The following CAMK4 variants were observed in gnomAD, a reference collection of about 807,000 sequenced individuals.
The protein encoded by CAMK4 is calcium/calmodulin-dependent protein kinase type IV.
Under a neutral mutation model 44.9 loss-of-function variants are expected in CAMK4, and 22 were observed. The ratio of observed to expected loss-of-function variants is 0.49; its 90% CI spans 0.35 to 0.70. The LOEUF (loss-of-function observed/expected upper bound fraction) is 0.70. CAMK4 is among the 30% of genes least tolerant of loss of function. The pLI is 0.01. For synonymous variants in CAMK4, 218 were observed against 215.4 expected (o/e 1.01, Z -0.11); for missense variants, 498 against 586.8 (o/e 0.85, Z 1.56).
chr5:111,474,727 C>T lies in CAMK4; in HGVS notation c.701+1341C>T, dbSNP rs114605286. Among the ~76,000 whole-genome samples the T allele has an allele frequency of 5.9e-3, 879 of 150,124 alleles. 13 individuals are homozygous for T. Among genetic ancestry groups the T allele is most frequent in the African/African-American group, 0.02 (847 of 41,454 alleles). ...CTAACTGTGGTAGGGCCCACAAGCA[C>T]GTTAGCAAACTCTAATTTACCTGAT... On this transcript the variant is annotated intron_variant, in intron 8 of 10. Transcript: ENST00000282356.
chr5:111,389,921 A>C lies in CAMK4; in HGVS notation c.387-4789A>C, dbSNP rs186220653. On this transcript the variant is annotated intron_variant, in intron 4 of 10. Transcript: ENST00000282356. The stretch of plus-strand genomic sequence containing the variant: ...CCACGTTTAGAGTAAAATGCAGAGA[A>C]TGATGTCATGGTAGCCAAAGTCCTG... 5.9e-5 allele frequency among the ~76,000 whole-genome samples: 9 copies of C among 151,872 alleles called. No individual in the cohort carries two copies. The East Asian group carries it at 1.7e-3, about 29-fold the overall frequency.
At chr5:111,275,779 C>CTGTA (rs923557295) in intron 1 of CAMK4, among the ~76,000 whole-genome samples, 10 of 151,946 alleles carry the variant, frequency 6.6e-5, no homozygotes, top group African/African-American at 2.4e-4. Flanking sequence ...AAGAGAAAAA[C>CTGTA]TGTATTTTTT....
intron 7 of CAMK4, among the ~76,000 whole-genome samples, chr5:111,457,813 A>G (rs1754472861): frequency 6.6e-6 from 1 of 152,252 alleles, no homozygotes; most frequent in South Asian, 2.1e-4. Context: ...TGAAATAATA[A>G]GAGTCTTAAA....
At chr5:111,467,778 A>G (rs966320663) in intron 7 of CAMK4, among the ~76,000 whole-genome samples, 5 of 152,186 alleles carry the variant, frequency 3.3e-5, no homozygotes, top group African/African-American at 1.2e-4. Flanking sequence ...TACAACCACT[A>G]TGGAAAACAG....
At chr5:111,450,381 T>A (rs550353507) in intron 7 of CAMK4, among the ~76,000 whole-genome samples, 6 of 151,646 alleles carry the variant, frequency 4.0e-5, no homozygotes, top group Non-Finnish European at 5.9e-5. Context: ...TTATTTCAAT[T>A]CATCTCTTCA....
chr5:111,427,941 G>A (rs1436189725), intron 5 of CAMK4, among the ~76,000 whole-genome samples: 2 of 152,236 alleles, frequency 1.3e-5, no homozygotes, highest in Admixed American at 6.5e-5. Flanking sequence ...AAGACCCAGC[G>A]CTGTGCTGGC....
At chr5:111,443,218 G>C (rs1335921779) in intron 5 of CAMK4, among the ~76,000 whole-genome samples, 1 of 128,716 alleles carries the variant, frequency 7.8e-6, no homozygotes, top group Admixed American at 8.3e-5. Flanking sequence ...TTATCAGTCA[G>C]ATATATTTAA....
chr5:111,479,157 A>G (rs974052414), intron 9 of CAMK4, among the ~76,000 whole-genome samples: 16 of 152,106 alleles, frequency 1.1e-4, no homozygotes, highest in African/African-American at 3.9e-4. Flanking sequence ...GGGATTACAG[A>G]TGTGAGCCAC....
At chr5:111,414,309 A>G (rs533844300) in intron 5 of CAMK4, among the ~76,000 whole-genome samples, 1 of 152,282 alleles carries the variant, frequency 6.6e-6, no homozygotes, top group South Asian at 2.1e-4. Context: ...AAGCAAATAT[A>G]TCTAAACCTA....
chr5:111,243,897 T>A (rs186385359), intron 1 of CAMK4, among the ~76,000 whole-genome samples: 1 of 152,178 alleles, frequency 6.6e-6, no homozygotes, highest in Non-Finnish European at 1.5e-5. Context: ...CTGACTTAGA[T>A]TTTTTCAGGA....
chr5:111,401,026 TC>T (rs1018786230), intron 5 of CAMK4, among the ~76,000 whole-genome samples: 17 of 152,200 alleles, frequency 1.1e-4, no homozygotes, highest in African/African-American at 4.1e-4. Flanking sequence ...CAGCCTTTCT[TC>T]CCTTTTTCTA....
intron 1 of CAMK4, among the ~76,000 whole-genome samples, chr5:111,335,900 C>G (rs541134822): frequency 2.7e-5 from 4 of 150,324 alleles, no homozygotes; most frequent in African/African-American, 4.9e-5. Flanking sequence ...TTTGACAACT[C>G]TCTCTTTTTG....
At chr5:111,224,279 T>G, upstream of CAMK4, 1 of 595,936 alleles carries the variant, frequency 1.7e-6, no homozygotes, top group Non-Finnish European at 2.5e-6. This position sits in a 1 kb window ranked among gnomAD's most constrained non-coding sequence, Gnocchi z 5.7. Context: ...CGACTCCGGG[T>G]TCCCCCTCGC....
intron 7 of CAMK4, among the ~76,000 whole-genome samples, chr5:111,453,434 C>T (rs2112986260): frequency 1.3e-5 from 2 of 152,282 alleles, no homozygotes; most frequent in African/African-American, 4.8e-5. Context: ...TCTTCCCTCA[C>T]CACAGATAGA....
At position 111,399,419 on chromosome 5, in the gene CAMK4, G is replaced by A. The variant is rs151101056; in HGVS notation, c.459+4637G>A. Among the ~76,000 whole-genome samples the A allele has an allele frequency of 8.5e-5, 13 of 152,294 alleles. No individual in the cohort carries two copies. The South Asian group carries it at 1.9e-3, about 22-fold the overall frequency. On this transcript the variant is annotated intron_variant, in intron 5 of 10. Coordinates refer to ENST00000282356, the MANE Select transcript of CAMK4 (RefSeq NM_001744.6). ...CTTAGTTTCTATTACCATGTGGTAT[G>A]TCTTTTTGCACTTATAATTATTTAA... is the stretch of plus-strand genomic sequence containing the variant.
intron 1 of CAMK4, among the ~76,000 whole-genome samples, chr5:111,336,809 C>A (rs900224331): frequency 1.3e-5 from 2 of 150,776 alleles, no homozygotes; most frequent in Non-Finnish European, 3.0e-5. Context: ...GTTTGAAAAT[C>A]TTTCTCTTAT....
intron 5 of CAMK4, among the ~76,000 whole-genome samples, chr5:111,443,279 TACAC>T (rs60644060): frequency 0.075 from 2,788 of 36,954 alleles, 101 homozygotes; most frequent in Admixed American, 0.11. Flanking sequence ...TATATATATA[TACAC>T]ACACACACAC....
chr5:111,309,909 C>T (rs1420298919), intron 1 of CAMK4, among the ~76,000 whole-genome samples: 1 of 152,050 alleles, frequency 6.6e-6, no homozygotes, highest in African/African-American at 2.4e-5. Flanking sequence ...TAGGCTGATA[C>T]CTTAATTTGC....
chr5:111,297,853 C>T (rs184900716), intron 1 of CAMK4, among the ~76,000 whole-genome samples: 2 of 152,054 alleles, frequency 1.3e-5, no homozygotes, highest in Non-Finnish European at 2.9e-5. Flanking sequence ...GATTCTGGTG[C>T]CTTTTACCTG....
Sources: allele counts gnomAD v4.1 joint callset (sites outside exome capture counted in the v4.1 genomes callset), GRCh38; gene constraint gnomAD v4.1.1; non-coding constraint Gnocchi (gnomAD v3.1); transcripts MANE v1.5; gene names NCBI Gene and HGNC (gene_info 2026-07-23, HGNC 2026-07-21).